NEBL: variants seen among roughly 807,000 people sequenced by gnomAD.
NEBL encodes the protein nebulette.
In NEBL, 122 loss-of-function variants were observed where a neutral mutation model predicts 140.2. That is an observed-to-expected ratio of 0.87 (90% CI 0.75 to 1.01). The LOEUF is 1.01. NEBL is among the 50% of genes least tolerant of loss of function. The pLI, the probability that NEBL is intolerant of heterozygous loss-of-function variation, is 0.00. For synonymous variants in NEBL, 436 were observed against 398.9 expected, an observed-to-expected ratio of 1.09 and a Z score of -1.11; for missense variants, 1,365 against 1,231.3, an observed-to-expected ratio of 1.11 and a Z score of -1.62.
intron 3 of NEBL, among the ~76,000 whole-genome samples, chr10:20,988,274 G>T (rs1837331434): frequency 1.3e-5 from 2 of 152,132 alleles, no homozygotes; most frequent in African/African-American, 4.8e-5. Flanking sequence ...CTTGTCCTGA[G>T]TCCATGACTT....
chr10:21,291,478 C>T (rs545143038), intron 1 of NEBL, among the ~76,000 whole-genome samples: 35 of 150,674 alleles, frequency 2.3e-4, no homozygotes, highest in African/African-American at 8.3e-4. Flanking sequence ...TGCACTCCAG[C>T]CTGGGTGACA....
chr10:20,796,854 T>C (rs1423962372), intron 26 of NEBL, among the ~76,000 whole-genome samples: 1 of 152,210 alleles, frequency 6.6e-6, no homozygotes, highest in Non-Finnish European at 1.5e-5. Flanking sequence ...ATAGAGTCTT[T>C]AATAATTATT....
chr10:21,070,271 A>G (rs570538966), intron 2 of NEBL, among the ~76,000 whole-genome samples: 1 of 152,110 alleles, frequency 6.6e-6, no homozygotes, highest in Non-Finnish European at 1.5e-5. Context: ...AGCTGATTAG[A>G]TCATTTAAGT....
chr10:20,922,759 G>A (rs1833655824), intron 4 of NEBL, among the ~76,000 whole-genome samples: 1 of 151,972 alleles, frequency 6.6e-6, no homozygotes, highest in African/African-American at 2.4e-5. Context: ...CTGAGCACTC[G>A]AGCCATCCCA....
chr10:21,148,057 C>A (rs955427249), intron 2 of NEBL, among the ~76,000 whole-genome samples: 5 of 152,184 alleles, frequency 3.3e-5, no homozygotes, highest in Admixed American at 2.6e-4. Context: ...CTAAGAAGAA[C>A]TATACAAGGC....
chr10:20,978,169 A>T (rs577879683), intron 3 of NEBL, among the ~76,000 whole-genome samples: 1 of 152,296 alleles, frequency 6.6e-6, no homozygotes, highest in Non-Finnish European at 1.5e-5. Context: ...CAGACCCGAA[A>T]TGAGATTCAA....
At chr10:21,200,287 G>A (rs1841711871) in intron 3 of NEBL, among the ~76,000 whole-genome samples, 1 of 145,198 alleles carries the variant, frequency 6.9e-6, no homozygotes, top group Non-Finnish European at 1.5e-5. Flanking sequence ...TTGGTTGTGT[G>A]AAGTGACATA....
intron 3 of NEBL, among the ~76,000 whole-genome samples, chr10:21,204,751 G>T (rs2132230196): frequency 6.6e-6 from 1 of 152,298 alleles, no homozygotes; most frequent in African/African-American, 2.4e-5. Context: ...AGCATTGTCA[G>T]AGGCAGCCCT....
intron 3 of NEBL, among the ~76,000 whole-genome samples, chr10:20,992,533 C>T (rs569405908): frequency 6.6e-6 from 1 of 152,232 alleles, no homozygotes; most frequent in South Asian, 2.1e-4. Flanking sequence ...GACCCAGAAA[C>T]CCATGAGAGC....
At chr10:21,147,129 T>A (rs1839928731) in intron 2 of NEBL, among the ~76,000 whole-genome samples, 1 of 152,142 alleles carries the variant, frequency 6.6e-6, no homozygotes. Flanking sequence ...AAATCTGTGA[T>A]AAAAAGTAGA....
chr10:21,044,397 TAAAA>T (rs57176129), intron 2 of NEBL, among the ~76,000 whole-genome samples: 9 of 34,860 alleles, frequency 2.6e-4, no homozygotes, highest in East Asian at 2.1e-3. Context: ...AGAGTAAGAA[TAAAA>T]AAAAAAAAAA....
At chr10:21,135,488 G>C (rs1426412339) in intron 2 of NEBL, among the ~76,000 whole-genome samples, 1 of 151,832 alleles carries the variant, frequency 6.6e-6, no homozygotes, top group Non-Finnish European at 1.5e-5. Context: ...TTGACAAAAA[G>C]GAAGCACTGA....
intron 2 of NEBL, among the ~76,000 whole-genome samples, chr10:21,025,929 C>G (rs1264611675): frequency 6.6e-6 from 1 of 152,128 alleles, no homozygotes; most frequent in Admixed American, 6.6e-5. Context: ...ATCACTATTA[C>G]TATTAATATT....
intron 2 of NEBL, among the ~76,000 whole-genome samples, chr10:21,044,842 A>G (rs1485527089): frequency 1.3e-5 from 2 of 152,166 alleles, no homozygotes; most frequent in Admixed American, 1.3e-4. Context: ...GTGCATGCCC[A>G]TTGTCCCTAA....
Position 20,823,772 on chromosome 10 carries a change from G to A in NEBL, c.1870-472C>T, listed in dbSNP as rs146865490. Among the ~76,000 whole-genome samples, 808 of 151,694 alleles carry A rather than the reference G, an allele frequency of 5.3e-3. 13 individuals carry two copies. Among genetic ancestry groups the A allele is most frequent in the Non-Finnish European group, 5.4e-3 (366 of 67,924 alleles). ...ACATAAATAATAAGGAAATAAATAA[G>A]GAAATAAGGAATTCCTTATAGAATA... On this transcript the variant is annotated intron_variant, in intron 18 of 27. Coordinates refer to ENST00000377122, the MANE Select transcript of NEBL (RefSeq NM_006393.3).
intron 2 of NEBL, among the ~76,000 whole-genome samples, chr10:21,032,411 C>T (rs959407064): frequency 2.6e-5 from 4 of 152,094 alleles, no homozygotes; most frequent in African/African-American, 9.7e-5. Flanking sequence ...GTCTAAGATG[C>T]TTTTTGAGCC....
At chr10:21,179,148 G>T (rs1841347404), upstream of NEBL, among the ~76,000 whole-genome samples, 1 of 152,136 alleles carries the variant, frequency 6.6e-6, no homozygotes, top group Non-Finnish European at 1.5e-5. Context: ...AAGGGAGGGG[G>T]AGAAACAAAA....
At chr10:20,790,360 T>C (rs1264891302) in intron 26 of NEBL, among the ~76,000 whole-genome samples, 2 of 152,050 alleles carry the variant, frequency 1.3e-5, no homozygotes, top group African/African-American at 2.4e-5. Flanking sequence ...CCCAGCACTT[T>C]GGTAGGCTGA....
At chr10:20,846,909 A>C (rs542028645) in intron 11 of NEBL, among the ~76,000 whole-genome samples, 2 of 152,298 alleles carry the variant, frequency 1.3e-5, no homozygotes, top group East Asian at 3.9e-4. Flanking sequence ...AAATAAGACA[A>C]AGAACTTTTC....
Sources: allele counts gnomAD v4.1 joint callset (sites outside exome capture counted in the v4.1 genomes callset), GRCh38; gene constraint gnomAD v4.1.1; transcripts MANE v1.5; gene names NCBI Gene and HGNC (gene_info 2026-07-23, HGNC 2026-07-21).